The following ABCG2 variants were observed in gnomAD, a reference collection of about 807,000 sequenced individuals.
The protein encoded by ABCG2 is ATP binding cassette subfamily G member 2 (JR blood group), also known as broad substrate specificity ATP-binding cassette transporter ABCG2.
In ABCG2, 80 loss-of-function variants were observed where a neutral mutation model predicts 73.5. The ratio of observed to expected loss-of-function variants is 1.09; its 90% confidence interval spans 0.91 to 1.31. ABCG2 has a LOEUF of 1.31. Among genes scored for constraint, ABCG2 ranks in the 50% most tolerant of loss-of-function variants. The pLI, the probability that ABCG2 is intolerant of heterozygous loss-of-function variation, is 0.00. For synonymous variants in ABCG2, 269 were observed against 282.4 expected (o/e 0.95, Z 0.48); for missense variants, 796 against 786.2 (o/e 1.01, Z -0.15).
intron 1 of ABCG2, among the ~76,000 whole-genome samples, chr4:88,230,333 A>C (rs1229466383): frequency 1.5e-5 from 2 of 134,652 alleles, no homozygotes; most frequent in African/African-American, 6.0e-5. Context: ...ACATATATAT[A>C]TATATATATA....
chr4:88,159,393 T>C, upstream of ABCG2: 2 of 354,290 alleles, frequency 5.6e-6, no homozygotes, highest in South Asian at 2.1e-5. Context: ...AATCAGGCAC[T>C]GAATCTAACC....
At chr4:88,231,566 A>G (rs36111742), upstream of ABCG2, among the ~76,000 whole-genome samples, 15,592 of 152,178 alleles carry the variant, frequency 0.1, 1,009 homozygotes, top group Non-Finnish European at 0.15. Context: ...ATAAAAACCA[A>G]TTCTAGCAAA....
Position 88,107,092 on chromosome 4 carries a change from A to G in ABCG2, c.1277+92T>C, listed in dbSNP as rs181483741. ...TCAATAAAAGAATGACATTTACACT[A>G]TACTTGTCTTAAATTCAAATTCTTA... On this transcript the variant is annotated intron_variant, in intron 10 of 15. Transcript: ENST00000237612. The G allele has an allele frequency of 5.4e-5, 51 of 950,714 alleles. No individual in the cohort carries two copies. In the African/African-American group the frequency reaches 5.8e-4, roughly 11 times the overall value. The allele number at this position is 950,714 out of a possible 1,614,324, so 58.9% of individuals were successfully genotyped here.
intron 1 of ABCG2, among the ~76,000 whole-genome samples, chr4:88,147,558 G>A (rs1288725704): frequency 6.6e-6 from 1 of 152,148 alleles, no homozygotes; most frequent in Non-Finnish European, 1.5e-5. Context: ...ACAGAGGCTG[G>A]CTATCATAAA....
chr4:88,195,209 G>A (rs936985268), intron 1 of ABCG2, among the ~76,000 whole-genome samples: 4 of 152,092 alleles, frequency 2.6e-5, no homozygotes, highest in African/African-American at 9.7e-5. Context: ...ACTCCAGCAT[G>A]GGAAACAGAG....
intron 1 of ABCG2, among the ~76,000 whole-genome samples, chr4:88,230,767 G>C (rs769282414): frequency 6.6e-6 from 1 of 152,074 alleles, no homozygotes; most frequent in Non-Finnish European, 1.5e-5. Flanking sequence ...TTTACTCAAA[G>C]TGTGGTCCAT....
intron 1 of ABCG2, among the ~76,000 whole-genome samples, chr4:88,193,340 C>T (rs572745841): frequency 1.6e-4 from 24 of 152,100 alleles, no homozygotes; most frequent in African/African-American, 4.8e-4. Context: ...CAATATTGTA[C>T]GATCAAAACA....
At chr4:88,103,730 A>G (rs1375886803) in intron 10 of ABCG2, among the ~76,000 whole-genome samples, 2 of 152,134 alleles carry the variant, frequency 1.3e-5, no homozygotes, top group Admixed American at 1.3e-4. Flanking sequence ...CATTCCCCAC[A>G]CACCTCTAGC....
chr4:88,099,176 TTC>T (rs1246674579), intron 12 of ABCG2, 146 bp downstream of exon 12: 2 of 710,268 alleles, frequency 2.8e-6, no homozygotes, highest in Non-Finnish European at 4.4e-6. Context: ...GAACAACTGT[TTC>T]AGAGAGTGCA....
chr4:88,219,183 C>T (rs538699120), intron 1 of ABCG2, among the ~76,000 whole-genome samples: 1 of 152,306 alleles, frequency 6.6e-6, no homozygotes, highest in African/African-American at 2.4e-5. Context: ...ATTTAAAATT[C>T]CCACAAAGTA....
intron 1 of ABCG2, among the ~76,000 whole-genome samples, chr4:88,150,472 C>T (rs1428991380): frequency 6.6e-6 from 1 of 152,174 alleles, no homozygotes; most frequent in African/African-American, 2.4e-5. Flanking sequence ...GTATCTACCA[C>T]TGACCACAGG....
At chr4:88,107,650 G>GT (rs1722851040) in intron 9 of ABCG2, among the ~76,000 whole-genome samples, 1 of 152,184 alleles carries the variant, frequency 6.6e-6, no homozygotes, top group African/African-American at 2.4e-5. Context: ...GTGCCTAAGA[G>GT]TTTTGACCCT....
At chr4:88,107,397 T>G (rs1232275597) in intron 9 of ABCG2, 131 bp from the exon 10 acceptor site, 1 of 581,552 alleles carries the variant, frequency 1.7e-6, no homozygotes, top group African/African-American at 1.9e-5. Context: ...ACTCAATGGC[T>G]TGGCCAACGT....
intron 1 of ABCG2, among the ~76,000 whole-genome samples, chr4:88,177,329 G>A: frequency 6.6e-6 from 1 of 151,668 alleles, no homozygotes. Flanking sequence ...AGCCGAGATT[G>A]GCCACGGCAC....
chr4:88,154,141 G>C (rs943991214), intron 1 of ABCG2, among the ~76,000 whole-genome samples: 2 of 152,142 alleles, frequency 1.3e-5, no homozygotes, highest in African/African-American at 4.8e-5. Context: ...ATGCGAAGAA[G>C]AAAAACTGAC....
chr4:88,165,758 C>T lies in ABCG2; in HGVS notation c.-19-25744G>A, dbSNP rs1346490957. Among the ~76,000 whole-genome samples the T allele has an allele frequency of 3.3e-5, 5 of 152,076 alleles. No homozygotes were observed. The East Asian group carries it at 7.7e-4, about 23-fold the overall frequency. ...GCATGGTGGCATGCGCCTGTAGTCC[C>T]AGCTACTCGGGAGGCTGAGGCAGGA... On this transcript the variant is annotated intron_variant, in intron 1 of 15. Coordinates refer to the ABCG2 transcript ENST00000515655.
rs1259208437 is a variant in ABCG2, at chr4:88,158,492, C to G, written c.-126G>C. 3 of 456,158 alleles carry G rather than the reference C, an allele frequency of 6.6e-6. No individual in the cohort carries two copies. Among genetic ancestry groups the G allele is most frequent in the Non-Finnish European group, 1.3e-5 (3 of 226,916 alleles). 28.3% of individuals were successfully genotyped at this position (456,158 alleles called of 1,614,324 possible). ...GGATGTAAATGTTGGGATGAGTCAC[C>G]CGGACCTTCCAAACAAACTCTAAAG... On this transcript the variant is annotated 5_prime_UTR_variant, in exon 1 of 16. Transcript: ENST00000237612.
At chr4:88,192,124 T>C (rs1420283550) in intron 1 of ABCG2, among the ~76,000 whole-genome samples, 1 of 150,426 alleles carries the variant, frequency 6.6e-6, no homozygotes, top group Non-Finnish European at 1.5e-5. Context: ...GAGGTTGCGG[T>C]GAGCCAAGAT....
chr4:88,152,456 T>G (rs1726562248), intron 1 of ABCG2, among the ~76,000 whole-genome samples: 3 of 152,092 alleles, frequency 2.0e-5, no homozygotes, highest in Admixed American at 6.5e-5. Context: ...TGGGGCCATT[T>G]CATAAGATTT....
Sources: gnomAD v4.1 joint callset for allele counts (sites outside exome capture counted in the v4.1 genomes callset) on GRCh38, gnomAD v4.1.1 for gene constraint, MANE v1.5 for transcripts, NCBI Gene and HGNC (gene_info 2026-07-23, HGNC 2026-07-21) for gene names.